The following FGFR1OP2 variants were observed in gnomAD, a reference collection of about 807,000 sequenced individuals.
FGFR1OP2 encodes the protein fibroblast growth factor receptor 1 oncogene partner 2.
A neutral mutation model predicts 35.2 loss-of-function variants in FGFR1OP2; 17 were observed. The observed-to-expected ratio is 0.48, with a 90% confidence interval of 0.33 to 0.73. The LOEUF is 0.73. Among genes scored for constraint, FGFR1OP2 ranks in the 30% least tolerant of loss-of-function variants. FGFR1OP2 has a pLI of 0.02. For synonymous variants in FGFR1OP2, 105 were observed against 104.6 expected (o/e 1.00, Z -0.03); for missense variants, 251 against 307.3 (o/e 0.82, Z 1.37).
At chr12:26,958,732 T>C (rs988315800) in intron 4 of FGFR1OP2, among the ~76,000 whole-genome samples, 1 of 152,198 alleles carries the variant, frequency 6.6e-6, no homozygotes, top group African/African-American at 2.4e-5. Flanking sequence ...TGTCCCCATA[T>C]TTTATGGCAT....
chr12:26,943,685 C>G (rs375623387), intron 1 of FGFR1OP2, among the ~76,000 whole-genome samples: 1 of 151,966 alleles, frequency 6.6e-6, no homozygotes, highest in Non-Finnish European at 1.5e-5. Context: ...ATTAGCTGGG[C>G]GTGGTGGCGC....
rs374037048 is a variant in FGFR1OP2 at position 26,956,628 on chromosome 12, G to A, written c.221G>A (p.Arg74Lys). ...GTTATGGGAATCCAGCAAGAAAACAGACAAATCAGAGAGTTGCAACAAGAA... is the reference window on the plus strand; with the variant it reads ...GTTATGGGAATCCAGCAAGAAAACAAACAAATCAGAGAGTTGCAACAAGAA... ...TLVMGIQQEN[R>K]QIRELQQENK... The change falls in exon 3 of 7, where the codon AGA (arginine) becomes AAA (lysine). Residue 74 changes from arginine to lysine, a missense_variant. By Grantham distance (26) the Arg-to-Lys change is conservative (BLOSUM62 2). Transcript: ENST00000229395. 4.4e-6 allele frequency: 7 copies of A among 1,602,366 alleles called. No homozygotes were observed. The highest frequency in any genetic ancestry group is 6.0e-6 in the Non-Finnish European group (7 of 1,174,394).
chr12:26,956,241 A>T (rs1297001646), intron 2 of FGFR1OP2, among the ~76,000 whole-genome samples: 1 of 151,952 alleles, frequency 6.6e-6, no homozygotes, highest in African/African-American at 2.4e-5. Flanking sequence ...TCCTCGTGGG[A>T]TATATTGAAT....
rs1274382240 is a variant in FGFR1OP2, at chr12:26,956,609, G to A, written c.202G>A (p.Gly68Arg). 6.2e-7 allele frequency: 1 copy of A among 1,605,682 alleles called. No homozygotes were observed. The highest frequency in any genetic ancestry group is 8.5e-7 in the Non-Finnish European group (1 of 1,176,274). Residue 68 changes from glycine (G) to arginine (R), a missense_variant, in exon 3 of 7, where the codon GGA becomes AGA. Coordinates refer to ENST00000229395, the MANE Select transcript of FGFR1OP2 (RefSeq NM_015633.3). Reference sequence around the variant, plus strand: ...TCGGCCACGGTCCACGTTAGTTATGGGAATCCAGCAAGAAAACAGACAAAT... The same window carrying A: ...TCGGCCACGGTCCACGTTAGTTATGAGAATCCAGCAAGAAAACAGACAAAT... ...RHRPRSTLVM[G>R]IQQENRQIRE...
intron 1 of FGFR1OP2, among the ~76,000 whole-genome samples, chr12:26,945,392 T>C (rs1266678414): frequency 1.3e-5 from 2 of 152,222 alleles, no homozygotes; most frequent in Non-Finnish European, 2.9e-5. Context: ...CATGCCAAAA[T>C]TTTTGATATT....
At chr12:26,955,304 T>A (rs1939001536) in intron 2 of FGFR1OP2, among the ~76,000 whole-genome samples, 1 of 152,244 alleles carries the variant, frequency 6.6e-6, no homozygotes, top group South Asian at 2.1e-4. Context: ...GGAAAATCTT[T>A]TTGCATTTCT....
intron 1 of FGFR1OP2, among the ~76,000 whole-genome samples, chr12:26,944,390 T>C (rs1938789001): frequency 1.3e-5 from 2 of 152,206 alleles, no homozygotes; most frequent in African/African-American, 4.8e-5. Context: ...TGACGTTTGC[T>C]GTAAGTTTTC....
chr12:26,960,783 G>T (rs1237420226), intron 5 of FGFR1OP2, 155 bp downstream of exon 5: 3 of 1,207,396 alleles, frequency 2.5e-6, no homozygotes, highest in Non-Finnish European at 3.3e-6. Flanking sequence ...GCTGTTCAGT[G>T]TAGAAACTTT....
chr12:26,950,889 C>G (rs1938917799), intron 1 of FGFR1OP2, among the ~76,000 whole-genome samples: 1 of 152,108 alleles, frequency 6.6e-6, no homozygotes, highest in South Asian at 2.1e-4. Context: ...ATTTTCCTTG[C>G]AGTAGGTAAA....
intron 1 of FGFR1OP2, among the ~76,000 whole-genome samples, chr12:26,943,179 C>T (rs77295009): frequency 3.6e-3 from 550 of 152,158 alleles, no homozygotes; most frequent in Middle Eastern, 0.014. Flanking sequence ...CCAGTTCTTC[C>T]AACACCATTT....
At chr12:26,942,813 T>G (rs1374654106) in intron 1 of FGFR1OP2, among the ~76,000 whole-genome samples, 2 of 152,240 alleles carry the variant, frequency 1.3e-5, no homozygotes, top group Non-Finnish European at 2.9e-5. Context: ...TCTTATTGTT[T>G]TGAGAGACTT....
At chr12:26,957,055 A>G (rs1221873275) in intron 3 of FGFR1OP2, among the ~76,000 whole-genome samples, 1 of 152,184 alleles carries the variant, frequency 6.6e-6, no homozygotes, top group African/African-American at 2.4e-5. Context: ...GTCCCTAAAA[A>G]TCATTTCCCA....
intron 1 of FGFR1OP2, among the ~76,000 whole-genome samples, chr12:26,943,806 C>T (rs529943575): frequency 2.0e-5 from 3 of 152,208 alleles, no homozygotes; most frequent in South Asian, 2.1e-4. Context: ...GCAGCCTGGG[C>T]GACAGACTAA....
rs1240243617 is a variant in FGFR1OP2 at position 26,964,629 on chromosome 12, A to G, written c.658A>G (p.Ile220Val). 1 of 1,613,052 alleles carries G rather than the reference A, an allele frequency of 6.2e-7. No homozygotes were observed. The change falls in exon 7 of 7, where the codon ATA (isoleucine) becomes GTA (valine). Residue 220 changes from isoleucine (I) to valine (V), a missense_variant. Ile to Val is a conservative substitution (Grantham distance 29, BLOSUM62 3). Coordinates refer to ENST00000229395, the MANE Select transcript of FGFR1OP2 (RefSeq NM_015633.3). ...ENKGLREILQ[I>V]TRESFLNLRK... ...CAAAGGCTTGAGAGAGATCCTTCAAATAACTCGAGAATCATTTTTGAACCT... is the reference window on the plus strand; with the variant it reads ...CAAAGGCTTGAGAGAGATCCTTCAAGTAACTCGAGAATCATTTTTGAACCT...
Position 26,964,908 on chromosome 12 carries a change from C to A in FGFR1OP2, c.*175C>A. ...AATGGTCATAGACTTTATTCCAAAA[C>A]ATAATTGGAAAATAGAAACTGAGCC... On this transcript the variant is annotated 3_prime_UTR_variant, in exon 7 of 7. Transcript: ENST00000229395. 1 of 564,796 alleles carries A rather than the reference C, an allele frequency of 1.8e-6. No individual in the cohort carries two copies. The highest frequency in any genetic ancestry group is 2.8e-6 in the Non-Finnish European group (1 of 352,684). 35.0% of individuals were successfully genotyped at this position (564,796 alleles called of 1,614,324 possible).
At chr12:26,939,472 A>G (rs531910910) in intron 1 of FGFR1OP2, among the ~76,000 whole-genome samples, 5 of 152,322 alleles carry the variant, frequency 3.3e-5, no homozygotes, top group Middle Eastern at 3.4e-3. Flanking sequence ...TCCTGCTTTA[A>G]TATCCTACCA....
chr12:26,955,168 A>T (rs754890999), intron 2 of FGFR1OP2, among the ~76,000 whole-genome samples: 1 of 152,204 alleles, frequency 6.6e-6, no homozygotes, highest in South Asian at 2.1e-4. Flanking sequence ...GAGTTGTTAA[A>T]AAAGGAGTTT....
At chr12:26,941,382 A>G (rs1938732120) in intron 1 of FGFR1OP2, among the ~76,000 whole-genome samples, 1 of 152,228 alleles carries the variant, frequency 6.6e-6, no homozygotes, top group Non-Finnish European at 1.5e-5. Flanking sequence ...ATATTATAAA[A>G]TATTTTAAAC....
At chr12:26,955,360 T>G (rs1217540285) in intron 2 of FGFR1OP2, among the ~76,000 whole-genome samples, 1 of 152,246 alleles carries the variant, frequency 6.6e-6, no homozygotes, top group East Asian at 1.9e-4. Flanking sequence ...AAAATTTACT[T>G]TTTTGAAGGG....
Sources: allele counts gnomAD v4.1 joint callset (sites outside exome capture counted in the v4.1 genomes callset), GRCh38; gene constraint gnomAD v4.1.1; transcripts MANE v1.5; gene names NCBI Gene and HGNC (gene_info 2026-07-23, HGNC 2026-07-21).